MACROD2: variants seen among roughly 807,000 people sequenced by gnomAD.
MACROD2 encodes ADP-ribose glycohydrolase MACROD2.
Under a neutral mutation model 70.4 loss-of-function variants are expected in MACROD2, and 36 were observed. The ratio of observed to expected loss-of-function variants is 0.51; its 90% confidence interval spans 0.39 to 0.68. The LOEUF is 0.68. Ranked by LOEUF, MACROD2 falls within the 30% of genes least tolerant of loss-of-function variation. The pLI is 0.00. For synonymous variants in MACROD2, 172 were observed against 178.8 expected (o/e 0.96, Z 0.30); for missense variants, 496 against 538.4 (o/e 0.92, Z 0.78).
chr20:14,847,028 A>G (rs1324114727), intron 5 of MACROD2, among the ~76,000 whole-genome samples: 1 of 152,134 alleles, frequency 6.6e-6, no homozygotes, highest in Non-Finnish European at 1.5e-5. Flanking sequence ...GCTTTAGACA[A>G]TATCTATTTT....
At chr20:14,505,643 G>A (rs1401448077) in intron 4 of MACROD2, among the ~76,000 whole-genome samples, 1 of 152,180 alleles carries the variant, frequency 6.6e-6, no homozygotes, top group Admixed American at 6.5e-5. Context: ...ACAGATTACT[G>A]GGCCTTATGC....
At chr20:16,044,879 C>G (rs189130066) in intron 17 of MACROD2, among the ~76,000 whole-genome samples, 123 of 152,258 alleles carry the variant, frequency 8.1e-4, no homozygotes, top group Non-Finnish European at 1.6e-3. Context: ...CCCTGGTTTT[C>G]TGTGCTTTGA....
intron 8 of MACROD2, among the ~76,000 whole-genome samples, chr20:15,622,406 G>A (rs568398347): frequency 5.3e-5 from 8 of 152,204 alleles, no homozygotes; most frequent in Admixed American, 3.3e-4. Context: ...CCAAAAAATG[G>A]CATTACTACT....
At position 15,737,584 on chromosome 20, in the gene MACROD2, C is replaced by T. The variant is rs187109917; in HGVS notation, c.646-125161C>T. ...CAGGTCCATTTGTTAGCTCTTACACCGTGTCTCTCAAGAGAGCCTGTCTAC... is the reference window on the plus strand; with the variant it reads ...CAGGTCCATTTGTTAGCTCTTACACTGTGTCTCTCAAGAGAGCCTGTCTAC... On this transcript the variant is annotated intron_variant, in intron 8 of 17. Transcript: ENST00000684519. 1.3e-3 allele frequency among the ~76,000 whole-genome samples: 202 copies of T among 152,230 alleles called. 1 individual carries two copies. The highest frequency in any genetic ancestry group is 4.6e-3 in the African/African-American group (192 of 41,548).
At chr20:14,195,923 T>C (rs1283874943) in intron 3 of MACROD2, among the ~76,000 whole-genome samples, 2 of 152,190 alleles carry the variant, frequency 1.3e-5, no homozygotes, top group East Asian at 3.9e-4. Context: ...CAGAAAGCCC[T>C]CTGTCCCTAC....
At chr20:14,924,316 G>A (rs976755682) in intron 5 of MACROD2, among the ~76,000 whole-genome samples, 1 of 152,024 alleles carries the variant, frequency 6.6e-6, no homozygotes, top group African/African-American at 2.4e-5. Context: ...GTACACGTCT[G>A]TAATCCCAGC....
chr20:14,980,347 A>C (rs1296662563), intron 5 of MACROD2, among the ~76,000 whole-genome samples: 1 of 152,074 alleles, frequency 6.6e-6, no homozygotes, highest in Admixed American at 6.6e-5. Context: ...CCCTCCCCAC[A>C]TGATGCCTTG....
rs11336153 is a variant in MACROD2 at position 15,805,479 on chromosome 20, C to CT, written c.646-57252dup. ...GTTAAAATGAAAATAAGGAATATTT[C>CT]TTTTTTTTTTTTTTGAGATGGAGTT... On this transcript the variant is annotated intron_variant, in intron 8 of 17. Coordinates refer to ENST00000684519, the MANE Select transcript of MACROD2 (RefSeq NM_001351661.2). 2.1e-3 allele frequency among the ~76,000 whole-genome samples: 305 copies of CT among 142,166 alleles called. 1 individual carries two copies. The highest frequency in any genetic ancestry group is 2.3e-3 in the Non-Finnish European group (145 of 64,290). 93.3% of individuals were successfully genotyped at this position (142,166 alleles called of 152,430 possible). A position where few individuals can be genotyped will look rare whatever the true frequency, so the allele number is the denominator to read the frequency against.
intron 5 of MACROD2, among the ~76,000 whole-genome samples, chr20:15,003,754 G>T (rs906006759): frequency 3.3e-4 from 50 of 152,136 alleles, no homozygotes; most frequent in African/African-American, 1.2e-3. Context: ...GGAGAGAGGA[G>T]GGAAGCCTGA....
intron 5 of MACROD2, among the ~76,000 whole-genome samples, chr20:14,819,252 C>G (rs2072811329): frequency 6.6e-6 from 1 of 151,516 alleles, no homozygotes; most frequent in South Asian, 2.1e-4. Flanking sequence ...GGTGACAGAG[C>G]AAGACTCTGC....
intron 5 of MACROD2, among the ~76,000 whole-genome samples, chr20:14,751,993 T>C (rs939377296): frequency 6.6e-6 from 1 of 151,990 alleles, no homozygotes; most frequent in African/African-American, 2.4e-5. Context: ...TGAAACATTG[T>C]CTTGATTTCC....
At chr20:14,203,238 G>T (rs576594055) in intron 3 of MACROD2, among the ~76,000 whole-genome samples, 1 of 151,938 alleles carries the variant, frequency 6.6e-6, no homozygotes, top group East Asian at 1.9e-4. Context: ...TTTCTAATGG[G>T]TTCTTTTAAA....
chr20:15,586,056 G>GCC (rs897837273), intron 8 of MACROD2, among the ~76,000 whole-genome samples: 3 of 152,266 alleles, frequency 2.0e-5, no homozygotes, highest in Non-Finnish European at 4.4e-5. Context: ...CTCCAGCTGT[G>GCC]CCCCATATGG....
intron 5 of MACROD2, among the ~76,000 whole-genome samples, chr20:14,976,667 A>G (rs2122821278): frequency 6.6e-6 from 1 of 152,256 alleles, no homozygotes; most frequent in Middle Eastern, 3.4e-3. Flanking sequence ...AATATTCTAG[A>G]TGGATGGAAA....
At chr20:14,500,037 A>T (rs1379060269) in intron 4 of MACROD2, among the ~76,000 whole-genome samples, 6 of 152,196 alleles carry the variant, frequency 3.9e-5, no homozygotes, top group Non-Finnish European at 7.3e-5. Context: ...GGCTTCCCAG[A>T]AGAGGTGACA....
intron 15 of MACROD2, among the ~76,000 whole-genome samples, chr20:16,008,022 A>G (rs1329360136): frequency 6.6e-6 from 1 of 152,224 alleles, no homozygotes; most frequent in African/African-American, 2.4e-5. Flanking sequence ...GTCAAGGGAC[A>G]TGCACGATGG....
chr20:14,373,375 A>G (rs928522820), intron 3 of MACROD2, among the ~76,000 whole-genome samples: 4 of 152,138 alleles, frequency 2.6e-5, no homozygotes, highest in African/African-American at 9.7e-5. Flanking sequence ...TTAGACCAAA[A>G]TAGGTTGTAT....
At chr20:15,236,219 C>T (rs41414046) in intron 6 of MACROD2, among the ~76,000 whole-genome samples, 24,086 of 152,192 alleles carry the variant, frequency 0.16, 2,450 homozygotes, top group Non-Finnish European at 0.24. Flanking sequence ...ATTCACGTTT[C>T]GTAAGATCTC....
intron 8 of MACROD2, among the ~76,000 whole-genome samples, chr20:15,685,675 TC>T (rs61658100): frequency 0.014 from 2,126 of 152,270 alleles, 46 homozygotes; most frequent in African/African-American, 0.048. Context: ...CTCCAGGCTT[TC>T]ACCTGGAACT....
Sources: gnomAD v4.1 joint callset for allele counts (sites outside exome capture counted in the v4.1 genomes callset) on GRCh38, gnomAD v4.1.1 for gene constraint, MANE v1.5 for transcripts, NCBI Gene and HGNC (gene_info 2026-07-23, HGNC 2026-07-21) for gene names.